Variants in FAM107A observed in about 807,000 individuals in gnomAD.
FAM107A encodes actin-associated protein FAM107A.
Under a neutral mutation model 13.7 loss-of-function variants are expected in FAM107A, and 19 were observed. The ratio of observed to expected loss-of-function variants is 1.38; its 90% CI spans 0.97 to 2.03. The LOEUF (loss-of-function observed/expected upper bound fraction) is 2.03, where lower values mean the gene tolerates loss of function less well. Ranked by LOEUF, FAM107A falls within the 30% of genes most tolerant of loss-of-function variation. The pLI is 0.00. For synonymous variants in FAM107A, 82 were observed against 74.5 expected (o/e 1.10, Z -0.52); for missense variants, 203 against 184.4 (o/e 1.10, Z -0.58).
chr3:58,596,673 G>T (rs10866023), intron 1 of FAM107A, among the ~76,000 whole-genome samples: 1 of 143,584 alleles, frequency 7.0e-6, no homozygotes, highest in South Asian at 2.2e-4. Context: ...AGCCAGACTC[G>T]GTCTCAAAAA....
intron 1 of FAM107A, among the ~76,000 whole-genome samples, chr3:58,614,200 T>C (rs1317482965): frequency 3.9e-5 from 6 of 152,256 alleles, no homozygotes; most frequent in Non-Finnish European, 8.8e-5. Context: ...AAAGAATTTC[T>C]GTGCCGCCAG....
intron 1 of FAM107A, chr3:58,627,086 G>A: frequency 7.7e-7 from 1 of 1,306,630 alleles, no homozygotes; most frequent in Non-Finnish European, 1.1e-6. Flanking sequence ...GGACCCAAGG[G>A]GCTCCCGGGG....
At chr3:58,573,300 G>A (rs897487586) in intron 1 of FAM107A, among the ~76,000 whole-genome samples, 9 of 152,346 alleles carry the variant, frequency 5.9e-5, no homozygotes, top group East Asian at 5.8e-4. Context: ...AGAAAGCTGA[G>A]CCAGCCTTTC....
chr3:58,589,011 A>G (rs1325291530), upstream of FAM107A, among the ~76,000 whole-genome samples: 6 of 152,136 alleles, frequency 3.9e-5, no homozygotes, highest in Admixed American at 6.5e-5. Context: ...CTTGCTCGAG[A>G]TCACATAATG....
At chr3:58,570,252 ATATATT>A (rs2063668135) in intron 1 of FAM107A, 1 of 396,372 alleles carries the variant, frequency 2.5e-6, no homozygotes, top group Non-Finnish European at 3.4e-6. Flanking sequence ...GAAAAGGAAA[ATATATT>A]TAAAAAGAGT....
At chr3:58,568,831 G>A (rs1044646506) in intron 2 of FAM107A, among the ~76,000 whole-genome samples, 1 of 152,120 alleles carries the variant, frequency 6.6e-6, no homozygotes, top group Non-Finnish European at 1.5e-5. Context: ...GTCCTCCAAG[G>A]GGAGGCTCAG....
Position 58,564,737 on chromosome 3 carries a change from G to A in FAM107A, c.*1851C>T, listed in dbSNP as rs1245404339. 6.6e-6 allele frequency: 1 copy of A among 152,274 alleles called. No individual in the cohort carries two copies. Among genetic ancestry groups the A allele is most frequent in the Non-Finnish European group, 1.5e-5 (1 of 68,108 alleles). 9.4% of individuals were successfully genotyped at this position (152,274 alleles called of 1,614,324 possible). A position where few individuals can be genotyped will look rare whatever the true frequency, so the allele number is the denominator to read the frequency against. On this transcript the variant is annotated 3_prime_UTR_variant, in exon 4 of 4. Transcript: ENST00000360997. The surrounding 1 kb of genome is among the most constrained non-coding windows in gnomAD (Gnocchi z 5.6). ...CCGAGGGCTGCTTCTTTGGGGAAGT[G>A]GTGATCTTTATTTTAGGGATTGTGC...
At chr3:58,580,384 TTC>T (rs2065520486), upstream of FAM107A, among the ~76,000 whole-genome samples, 1 of 151,714 alleles carries the variant, frequency 6.6e-6, no homozygotes. Context: ...CTTTTTTTTT[TTC>T]CTAGGGAGGA....
At chr3:58,566,955 G>A (rs2063627888) in intron 3 of FAM107A, 5 of 611,010 alleles carry the variant, frequency 8.2e-6, no homozygotes, top group Non-Finnish European at 1.4e-5. Context: ...TCACAAGACA[G>A]TTATAAGAAT....
At chr3:58,597,648 G>A (rs1183425493) in intron 1 of FAM107A, among the ~76,000 whole-genome samples, 1 of 152,216 alleles carries the variant, frequency 6.6e-6, no homozygotes, top group Non-Finnish European at 1.5e-5. Context: ...CTTAATAATT[G>A]TAGCAAACAG....
chr3:58,626,139 GT>G (rs1347419226), intron 1 of FAM107A, among the ~76,000 whole-genome samples: 1 of 152,178 alleles, frequency 6.6e-6, no homozygotes, highest in Non-Finnish European at 1.5e-5. Context: ...GTACCGGGTC[GT>G]TGTGGTTGGA....
chr3:58,579,683 G>A (rs532176268), upstream of FAM107A, among the ~76,000 whole-genome samples: 155 of 152,282 alleles, frequency 1.0e-3, no homozygotes, highest in Non-Finnish European at 2.0e-3. Context: ...AGAGTAAGAA[G>A]GATCCTGGAG....
intron 1 of FAM107A, chr3:58,627,020 G>A (rs1230227422): frequency 6.5e-7 from 1 of 1,535,972 alleles, no homozygotes; most frequent in Non-Finnish European, 8.7e-7. Context: ...CCAGGCCTGG[G>A]TGGGCTGCAG....
chr3:58,567,075 CA>C, intron 3 of FAM107A, 132 bp downstream of exon 3: 1 of 1,142,924 alleles, frequency 8.7e-7, no homozygotes, highest in South Asian at 1.3e-5. Flanking sequence ...GGACTCAGGC[CA>C]GGAGTGGACT....
In FAM107A at chr3:58,573,933, G is replaced by A. The variant is rs534026628; in HGVS notation, c.-6+3376C>T. 3.7e-4 allele frequency among the ~76,000 whole-genome samples: 56 copies of A among 152,272 alleles called. 1 individual carries two copies. The highest frequency in any genetic ancestry group is 1.2e-3 in the African/African-American group (51 of 41,544). ...GTGTTTCCTCCTCTGCAAAATGAGC[G>A]TTACATTAGAATCCTCCTCCATGAA... On this transcript the variant is annotated intron_variant, in intron 1 of 3. Coordinates refer to ENST00000360997, the MANE Select transcript of FAM107A (RefSeq NM_001076778.3).
At chr3:58,616,017 G>C (rs1193005478) in intron 1 of FAM107A, among the ~76,000 whole-genome samples, 2 of 151,978 alleles carry the variant, frequency 1.3e-5, no homozygotes, top group Non-Finnish European at 2.9e-5. Context: ...CAAAAGCTCT[G>C]AGGTGGGGAA....
At chr3:58,572,344 G>C (rs562244380) in intron 1 of FAM107A, among the ~76,000 whole-genome samples, 1 of 152,228 alleles carries the variant, frequency 6.6e-6, no homozygotes, top group Admixed American at 6.5e-5. Context: ...ACCACAAAAG[G>C]CTCCAGGCTC....
chr3:58,623,442 C>T (rs1312643967), intron 1 of FAM107A, among the ~76,000 whole-genome samples: 2 of 152,224 alleles, frequency 1.3e-5, no homozygotes, highest in Admixed American at 6.5e-5. Flanking sequence ...GAAGCTCCAC[C>T]TGCAGCCTCT....
At chr3:58,576,654 A>G (rs1393930832) in intron 1 of FAM107A, among the ~76,000 whole-genome samples, 1 of 152,252 alleles carries the variant, frequency 6.6e-6, no homozygotes, top group African/African-American at 2.4e-5. Flanking sequence ...TTCTGGCCCA[A>G]TCTCAGACTT....
Sources: allele counts gnomAD v4.1 joint callset (sites outside exome capture counted in the v4.1 genomes callset), GRCh38; gene constraint gnomAD v4.1.1; non-coding constraint Gnocchi (gnomAD v3.1); transcripts MANE v1.5; gene names NCBI Gene and HGNC (gene_info 2026-07-23, HGNC 2026-07-21).